The following WRN variants were observed in gnomAD, a reference collection of about 807,000 sequenced individuals.
WRN encodes WRN RecQ like helicase, also known as bifunctional 3'-5' exonuclease/ATP-dependent helicase WRN.
In WRN, 149 loss-of-function variants were observed where a neutral mutation model predicts 180.7. The observed-to-expected ratio is 0.82, with a 90% confidence interval of 0.72 to 0.94. The LOEUF (loss-of-function observed/expected upper bound fraction) is 0.94, where lower values mean the gene tolerates loss of function less well. Ranked by LOEUF, WRN falls within the 40% of genes least tolerant of loss-of-function variation. The pLI is 0.00. For synonymous variants in WRN, 548 were observed against 568.9 expected, an observed-to-expected ratio of 0.96 and a Z score of 0.52; for missense variants, 1,661 against 1,700.1, an observed-to-expected ratio of 0.98 and a Z score of 0.40.
chr8:31,149,976 T>C, intron 30 of WRN, among the ~76,000 whole-genome samples: 1 of 152,216 alleles, frequency 6.6e-6, no homozygotes, highest in East Asian at 1.9e-4. Context: ...TTTCTTAGCC[T>C]CTTAGTTGTT....
chr8:31,036,497 C>A (rs1179094516), intron 1 of WRN, among the ~76,000 whole-genome samples: 1 of 152,186 alleles, frequency 6.6e-6, no homozygotes, highest in Admixed American at 6.5e-5. Context: ...TCCCTTTTCT[C>A]CACATCCTCG....
chr8:31,120,073 A>G (rs750954436), intron 20 of WRN, 170 bp from the exon 21 acceptor site: 14 of 741,090 alleles, frequency 1.9e-5, no homozygotes, highest in Non-Finnish European at 3.2e-5. Context: ...CCAGTCCTTA[A>G]TCTGTAAATC....
intron 1 of WRN, 32 bp from the exon 2 acceptor site, chr8:31,058,340 T>C (rs916991533): frequency 4.4e-6 from 4 of 908,804 alleles, no homozygotes; most frequent in Non-Finnish European, 7.0e-6. Context: ...GTATGTTTGG[T>C]TTTCATTCAT....
chr8:31,094,567 A>T (rs1813882452), intron 16 of WRN, among the ~76,000 whole-genome samples: 1 of 151,974 alleles, frequency 6.6e-6, no homozygotes, highest in Admixed American at 6.6e-5. Context: ...GGTTGCTCTC[A>T]AACTCCTGGG....
chr8:31,043,381 T>C (rs376630461), intron 1 of WRN, among the ~76,000 whole-genome samples: 6 of 152,126 alleles, frequency 3.9e-5, no homozygotes, highest in African/African-American at 1.4e-4. Context: ...GCAAGGGGAA[T>C]TGGATTTTCC....
intron 34 of WRN, among the ~76,000 whole-genome samples, chr8:31,171,873 G>A (rs1425208967): frequency 2.6e-5 from 4 of 151,992 alleles, no homozygotes; most frequent in South Asian, 2.1e-4. Context: ...TGGTATTTTT[G>A]TATTTTAGGC....
intron 34 of WRN, among the ~76,000 whole-genome samples, chr8:31,169,881 C>T (rs1003032012): frequency 1.3e-5 from 2 of 152,154 alleles, no homozygotes; most frequent in Non-Finnish European, 1.5e-5. Flanking sequence ...TCAGAGTAGC[C>T]AGCTGCTCTC....
intron 17 of WRN, among the ~76,000 whole-genome samples, chr8:31,099,569 GT>G (rs555227491): frequency 1.4e-3 from 191 of 137,150 alleles, no homozygotes; most frequent in Non-Finnish European, 1.8e-3. Context: ...TTGTTTGTTT[GT>G]TTTTTTTTTT....
In WRN at chr8:31,064,571, G is replaced by A. The variant is rs1812620804; in HGVS notation, c.355+137G>A. On this transcript the variant is annotated intron_variant, in intron 4 of 34. Coordinates refer to ENST00000298139, the MANE Select transcript of WRN (RefSeq NM_000553.6). ...TTATTTAAGTATTTATGTTCTACCT[G>A]ATTCACTCACATTCCTTGTTTTATT... The A allele has an allele frequency of 2.4e-6, 3 of 1,240,696 alleles. No individual in the cohort carries two copies. In the Admixed American group the frequency reaches 6.1e-5, roughly 25 times the overall value. 76.9% of individuals were successfully genotyped at this position (1,240,696 alleles called of 1,614,324 possible). A position where few individuals can be genotyped will look rare whatever the true frequency, so the allele number is the denominator to read the frequency against.
At chr8:31,059,129 G>C in intron 2 of WRN, 24 bp from the exon 3 acceptor site, 1 of 1,564,118 alleles carries the variant, frequency 6.4e-7, no homozygotes, top group Non-Finnish European at 8.8e-7. Flanking sequence ...CTTTGTGCCT[G>C]TTTTGAAATT....
chr8:31,139,110 T>C (rs139543184), intron 24 of WRN, among the ~76,000 whole-genome samples: 37 of 152,340 alleles, frequency 2.4e-4, no homozygotes, highest in African/African-American at 8.9e-4. Flanking sequence ...AGAAGGCTTG[T>C]ATTTGCATTT....
chr8:31,073,456 T>G (rs2130081114), intron 7 of WRN, among the ~76,000 whole-genome samples: 1 of 152,258 alleles, frequency 6.6e-6, no homozygotes, highest in East Asian at 1.9e-4. Flanking sequence ...AAGAACAGGT[T>G]TGGGTGAGAA....
At chr8:31,153,868 T>A (rs1237776128) in intron 31 of WRN, among the ~76,000 whole-genome samples, 1 of 152,132 alleles carries the variant, frequency 6.6e-6, no homozygotes, top group Non-Finnish European at 1.5e-5. Flanking sequence ...GTAGAACACA[T>A]GATAAATAAC....
intron 7 of WRN, among the ~76,000 whole-genome samples, chr8:31,070,122 G>A (rs1338581634): frequency 6.6e-6 from 1 of 151,220 alleles, no homozygotes; most frequent in Non-Finnish European, 1.5e-5. Flanking sequence ...TATTAGGTTG[G>A]TGCAAAAATA....
At chr8:31,078,044 G>A (rs1186418925) in intron 8 of WRN, among the ~76,000 whole-genome samples, 1 of 152,130 alleles carries the variant, frequency 6.6e-6, no homozygotes, top group Non-Finnish European at 1.5e-5. Context: ...GGTTACAATA[G>A]GCAGTTTCAG....
intron 7 of WRN, among the ~76,000 whole-genome samples, chr8:31,071,492 TTTC>T (rs1190005588): frequency 2.0e-5 from 3 of 152,096 alleles, no homozygotes; most frequent in African/African-American, 7.2e-5. Flanking sequence ...AAAATTCATT[TTTC>T]TTCTTTTTTT....
intron 1 of WRN, among the ~76,000 whole-genome samples, chr8:31,036,078 A>C (rs1016559545): frequency 6.6e-6 from 1 of 152,024 alleles, no homozygotes; most frequent in Admixed American, 6.6e-5. Flanking sequence ...ATGACATCAA[A>C]TTTTTTAGCT....
chr8:31,109,307 T>C (rs900301275), intron 18 of WRN, among the ~76,000 whole-genome samples: 4 of 152,248 alleles, frequency 2.6e-5, no homozygotes, highest in African/African-American at 4.8e-5. Context: ...ATTTTTAATA[T>C]AGTCTGATAC....
At chr8:31,140,746 TTTTTGTTTTG>T (rs958814849) in intron 24 of WRN, among the ~76,000 whole-genome samples, 1 of 152,004 alleles carries the variant, frequency 6.6e-6, no homozygotes, top group African/African-American at 2.4e-5. Flanking sequence ...GCATTGCGTT[TTTTTGTTTTG>T]TTTTGTTTTG....
Sources: gnomAD v4.1 joint callset for allele counts (sites outside exome capture counted in the v4.1 genomes callset) on GRCh38, gnomAD v4.1.1 for gene constraint, MANE v1.5 for transcripts, NCBI Gene and HGNC (gene_info 2026-07-23, HGNC 2026-07-21) for gene names.